Variants in MDM2 observed in about 807,000 individuals in gnomAD.
MDM2 encodes E3 ubiquitin-protein ligase Mdm2.
A neutral mutation model predicts 64.3 loss-of-function variants in MDM2; 11 were observed. That is an observed-to-expected ratio of 0.17 (90% CI 0.11 to 0.28). The LOEUF (loss-of-function observed/expected upper bound fraction) is 0.28, where lower values mean the gene tolerates loss of function less well. Ranked by LOEUF, MDM2 falls within the 10% of genes least tolerant of loss-of-function variation. MDM2 has a pLI of 1.00. For synonymous variants in MDM2, 194 were observed against 192.9 expected (o/e 1.01, Z -0.05); for missense variants, 388 against 577.1 (o/e 0.67, Z 3.36).
At chr12:68,830,451 CATTTGTAG>C (rs1882703062) in intron 8 of MDM2, among the ~76,000 whole-genome samples, 1 of 152,166 alleles carries the variant, frequency 6.6e-6, no homozygotes, top group Non-Finnish European at 1.5e-5. Flanking sequence ...GCAGGTTCTT[CATTTGTAG>C]ATATTTAAGT....
chr12:68,819,137 A>G (rs1198928564), intron 4 of MDM2, among the ~76,000 whole-genome samples: 2 of 152,222 alleles, frequency 1.3e-5, no homozygotes, highest in Non-Finnish European at 2.9e-5. Context: ...TGAAAAGGAT[A>G]TGAATTAAAA....
Position 68,844,171 on chromosome 12 carries a change from A to T in MDM2, c.*4322A>T, listed in dbSNP as rs1204645051. The T allele has an allele frequency of 9.6e-6, 2 of 208,248 alleles. No homozygotes were observed. Among genetic ancestry groups the T allele is most frequent in the Non-Finnish European group, 2.0e-5 (2 of 102,396 alleles). 12.9% of individuals were successfully genotyped at this position (208,248 alleles called of 1,614,324 possible). On this transcript the variant is annotated 3_prime_UTR_variant, in exon 11 of 11. Transcript: ENST00000258149. ...ATAGTACACGTGTTGAAAATAAATG[A>T]TTAAGAATTGTTTCAAGAATGCAAT...
At chr12:68,809,067 C>T in intron 1 of MDM2, 141 bp from the exon 2 acceptor site, 2 of 1,501,552 alleles carry the variant, frequency 1.3e-6, no homozygotes, top group East Asian at 2.3e-5. Flanking sequence ...ACGCACGCCA[C>T]TTTTTCTCTG....
At position 68,824,578 on chromosome 12, in the gene MDM2, A is replaced by G. The variant is rs201591724; in HGVS notation, c.450A>G (p.Glu150=). The change falls in exon 7 of 11, where the codon GAA becomes GAG. Residue 150 remains glutamate (E), a synonymous_variant. Transcript: ENST00000258149. ...DQKDLVQELQ[E]EKPSSSHLVS... is the part of the protein sequence containing the mutation. The stretch of plus-strand genomic sequence containing the variant: ...AGGACCTTGTACAAGAGCTTCAGGA[A>G]GAGAAACCTTCATCTTCACATTTGG... 213 of 1,613,580 alleles carry G rather than the reference A, an allele frequency of 1.3e-4. 1 individual carries two copies. Among genetic ancestry groups the G allele is most frequent in the South Asian group, 1.1e-3 (99 of 90,906 alleles).
chr12:68,836,169 T>A (rs1883293409), intron 9 of MDM2, among the ~76,000 whole-genome samples, 185 bp downstream of exon 9: 1 of 152,202 alleles, frequency 6.6e-6, no homozygotes, highest in South Asian at 2.1e-4. Context: ...CTGATTTATA[T>A]TATTATATTA....
At position 68,842,564 on chromosome 12, in the gene MDM2, A is replaced by G. The variant is rs1883869694; in HGVS notation, c.*2715A>G. The G allele has an allele frequency of 5.8e-6, 2 of 345,206 alleles. No homozygotes were observed. Among genetic ancestry groups the G allele is most frequent in the South Asian group, 5.5e-5 (2 of 36,100 alleles). 21.4% of individuals were successfully genotyped at this position (345,206 alleles called of 1,614,324 possible). A position where few individuals can be genotyped will look rare whatever the true frequency, so the allele number is the denominator to read the frequency against. ...TAATATGGATGTTTGATCGCATCTC[A>G]TTGTTAACTCTTTACTGATATGTTT... On this transcript the variant is annotated 3_prime_UTR_variant, in exon 11 of 11. Coordinates refer to ENST00000258149, the MANE Select transcript of MDM2 (RefSeq NM_002392.6).
At position 68,843,698 on chromosome 12, in the gene MDM2, A is replaced by ACTCT. The variant is rs112584632; in HGVS notation, c.*3864_*3867dup. 11 of 215,620 alleles carry ACTCT rather than the reference A, an allele frequency of 5.1e-5. 1 individual carries two copies. The East Asian group carries it at 6.1e-4, about 12-fold the overall frequency. 13.4% of individuals were successfully genotyped at this position (215,620 alleles called of 1,614,324 possible). A position where few individuals can be genotyped will look rare whatever the true frequency, so the allele number is the denominator to read the frequency against. On this transcript the variant is annotated 3_prime_UTR_variant, in exon 11 of 11. Coordinates refer to ENST00000258149, the MANE Select transcript of MDM2 (RefSeq NM_002392.6). ...ACTAATGGTACATTGTTGCTTCAAAACTCTCTCTCTCTCTCTCTGTCTGTC... is the reference window on the plus strand; with the variant it reads ...ACTAATGGTACATTGTTGCTTCAAAACTCTCTCTCTCTCTCTCTCTCTGTCTGTC...
Position 68,842,109 on chromosome 12 carries a change from A to G in MDM2, c.*2260A>G, listed in dbSNP as rs1211885778. On this transcript the variant is annotated 3_prime_UTR_variant, in exon 11 of 11. Coordinates refer to ENST00000258149, the MANE Select transcript of MDM2 (RefSeq NM_002392.6). The stretch of plus-strand genomic sequence containing the variant: ...AAGCAACTGCTAATAATGAGCTTAC[A>G]GTGGATTTGAATTTGAAAAATATAG... 9.4e-6 allele frequency: 4 copies of G among 426,468 alleles called. No homozygotes were observed. The highest frequency in any genetic ancestry group is 1.8e-5 in the Non-Finnish European group (4 of 222,192). The allele number at this position is 426,468 out of a possible 1,614,324, so 26.4% of individuals were successfully genotyped here.
At chr12:68,837,349 T>C (rs1330261818) in intron 10 of MDM2, among the ~76,000 whole-genome samples, 1 of 152,004 alleles carries the variant, frequency 6.6e-6, no homozygotes, top group Non-Finnish European at 1.5e-5. Flanking sequence ...GCCAACCTTG[T>C]CAAACGTAAA....
At chr12:68,847,165 A>G (rs532715430), downstream of MDM2, 4 of 93,802 alleles carry the variant, frequency 4.3e-5, no homozygotes, top group Admixed American at 3.7e-4. Context: ...TATATAATAC[A>G]TATGTGTTTA....
At chr12:68,818,110 T>G (rs1160114393) in intron 4 of MDM2, among the ~76,000 whole-genome samples, 1 of 152,170 alleles carries the variant, frequency 6.6e-6, no homozygotes, top group Admixed American at 6.5e-5. Context: ...TGGAATTCTT[T>G]GTCACATTTG....
At chr12:68,833,752 A>G (rs757864152) in intron 8 of MDM2, among the ~76,000 whole-genome samples, 1 of 152,168 alleles carries the variant, frequency 6.6e-6, no homozygotes, top group Non-Finnish European at 1.5e-5. Context: ...ATAAAAGTCG[A>G]TGGGTGATGG....
intron 8 of MDM2, among the ~76,000 whole-genome samples, chr12:68,831,790 G>A (rs1033331763): frequency 4.6e-5 from 7 of 152,046 alleles, no homozygotes; most frequent in East Asian, 1.9e-4. Context: ...AATCTCAGCC[G>A]GGCGTGGTGG....
At chr12:68,838,378 A>G (rs889279723) in intron 10 of MDM2, among the ~76,000 whole-genome samples, 6 of 152,230 alleles carry the variant, frequency 3.9e-5, no homozygotes, top group African/African-American at 1.4e-4. Flanking sequence ...GTGGGATAAA[A>G]CGTTGGGAAA....
chr12:68,827,618 C>T (rs904287617), intron 7 of MDM2, among the ~76,000 whole-genome samples: 2 of 152,036 alleles, frequency 1.3e-5, no homozygotes, highest in Non-Finnish European at 2.9e-5. Flanking sequence ...ACTTCTCCAC[C>T]CCAGCATTAT....
chr12:68,840,011 T>C lies in MDM2; in HGVS notation c.*162T>C, dbSNP rs753997820. ...CCTACTTTGGTAGTGGAATAGTGAA[T>C]ACTTACTATAATTTGACTTGAATAT... is the stretch of plus-strand genomic sequence containing the variant. On this transcript the variant is annotated 3_prime_UTR_variant, in exon 11 of 11. Transcript: ENST00000258149. The C allele has an allele frequency of 6.7e-5, 41 of 608,954 alleles. No individual in the cohort carries two copies. The highest frequency in any genetic ancestry group is 1.0e-4 in the Non-Finnish European group (36 of 361,406). The allele number at this position is 608,954 out of a possible 1,614,324, so 37.7% of individuals were successfully genotyped here.
intron 3 of MDM2, among the ~76,000 whole-genome samples, chr12:68,813,873 C>T (rs2136114714): frequency 6.6e-6 from 1 of 152,296 alleles, no homozygotes; most frequent in Non-Finnish European, 1.5e-5. Context: ...TTTATGCTGT[C>T]AACCCTTTGG....
chr12:68,842,385 T>TA lies in MDM2; in HGVS notation c.*2541dup. 1.0e-5 allele frequency: 5 copies of TA among 492,836 alleles called. No individual in the cohort carries two copies. The highest frequency in any genetic ancestry group is 7.7e-5 in the South Asian group (5 of 64,730). The allele number at this position is 492,836 out of a possible 1,614,324, so 30.5% of individuals were successfully genotyped here. A position where few individuals can be genotyped will look rare whatever the true frequency, so the allele number is the denominator to read the frequency against. Reference sequence around the variant, plus strand: ...GGATGCAGACATGGCAGAGGTTTCCTAAAAATCTCATTATCTATAACCATT... The same window carrying TA: ...GGATGCAGACATGGCAGAGGTTTCCTAAAAAATCTCATTATCTATAACCATT... On this transcript the variant is annotated 3_prime_UTR_variant, in exon 11 of 11. Transcript: ENST00000258149.
At chr12:68,811,522 T>C (rs1459254858) in intron 2 of MDM2, among the ~76,000 whole-genome samples, 2 of 152,096 alleles carry the variant, frequency 1.3e-5, no homozygotes, top group African/African-American at 4.8e-5. Flanking sequence ...AGATTACAAA[T>C]GCTATTATCT....
Sources: gnomAD v4.1 joint callset for allele counts (sites outside exome capture counted in the v4.1 genomes callset) on GRCh38, gnomAD v4.1.1 for gene constraint, MANE v1.5 for transcripts, NCBI Gene and HGNC (gene_info 2026-07-23, HGNC 2026-07-21) for gene names.